The following RAB3GAP2 variants were observed in gnomAD, a reference collection of about 807,000 sequenced individuals.
The protein encoded by RAB3GAP2 is RAB3 GTPase activating non-catalytic protein subunit 2, also known as rab3 GTPase-activating protein non-catalytic subunit.
In RAB3GAP2, 87 loss-of-function variants were observed where a neutral mutation model predicts 185.3. The ratio of observed to expected loss-of-function variants is 0.47; its 90% CI spans 0.39 to 0.56. RAB3GAP2 has a LOEUF of 0.56. Among genes scored for constraint, RAB3GAP2 ranks in the 20% least tolerant of loss-of-function variants. RAB3GAP2 has a pLI of 0.00. For missense variants in RAB3GAP2, 1,492 were observed against 1,638.2 expected, an observed-to-expected ratio of 0.91 and a Z score of 1.54; for synonymous variants, 554 against 576.1, an observed-to-expected ratio of 0.96 and a Z score of 0.55.
intron 2 of RAB3GAP2, among the ~76,000 whole-genome samples, chr1:220,224,299 G>A (rs1415383067): frequency 1.3e-5 from 2 of 152,082 alleles, no homozygotes; most frequent in African/African-American, 2.4e-5. Context: ...ATGACACTAT[G>A]TGCCAACATG....
intron 1 of RAB3GAP2, among the ~76,000 whole-genome samples, chr1:220,240,060 C>T (rs139346226): frequency 6.6e-6 from 1 of 150,540 alleles, no homozygotes; most frequent in African/African-American, 2.4e-5. Flanking sequence ...ATTCTTTTTG[C>T]CAACAGTGAC....
At chr1:220,202,096 T>G (rs1450720639) in intron 9 of RAB3GAP2, among the ~76,000 whole-genome samples, 180 bp downstream of exon 9, 1 of 151,970 alleles carries the variant, frequency 6.6e-6, no homozygotes, top group African/African-American at 2.4e-5. Flanking sequence ...TCCTGGAAGG[T>G]GGAGGTTGCA....
intron 2 of RAB3GAP2, among the ~76,000 whole-genome samples, chr1:220,227,174 G>T (rs1659417546): frequency 6.6e-6 from 1 of 152,226 alleles, no homozygotes; most frequent in Non-Finnish European, 1.5e-5. Flanking sequence ...GCAGAAAGAT[G>T]TTGGTCTTCT....
At chr1:220,211,621 A>G (rs1455463354) in intron 4 of RAB3GAP2, among the ~76,000 whole-genome samples, 1 of 152,198 alleles carries the variant, frequency 6.6e-6, no homozygotes, top group Non-Finnish European at 1.5e-5. Context: ...TAGACTTGAA[A>G]TATTTGTCAG....
intron 2 of RAB3GAP2, chr1:220,219,646 C>T (rs1197493301): frequency 6.6e-6 from 1 of 152,108 alleles, no homozygotes; most frequent in African/African-American, 2.4e-5. Flanking sequence ...AAATACAAAC[C>T]AAGAATAAAG....
At chr1:220,178,709 T>TA (rs34441738) in intron 21 of RAB3GAP2, among the ~76,000 whole-genome samples, 7,288 of 150,008 alleles carry the variant, frequency 0.049, 230 homozygotes, top group Non-Finnish European at 0.077. Context: ...CACTTAACTA[T>TA]AAAAAAAAAG....
At chr1:220,211,158 T>C (rs1208184611) in intron 4 of RAB3GAP2, 156 bp from the exon 5 acceptor site, 1 of 736,446 alleles carries the variant, frequency 1.4e-6, no homozygotes, top group Non-Finnish European at 2.4e-6. Context: ...ACTCCACCAC[T>C]GGTAAGGTCC....
intron 1 of RAB3GAP2, 43 bp downstream of exon 1, chr1:220,272,180 C>A: frequency 6.6e-7 from 1 of 1,511,784 alleles, no homozygotes; most frequent in African/African-American, 1.4e-5. Context: ...GCAGAGGCCG[C>A]GGGTGACGAG....
intron 33 of RAB3GAP2, 137 bp downstream of exon 33, chr1:220,153,048 C>A: frequency 2.8e-6 from 2 of 713,760 alleles, no homozygotes; most frequent in South Asian, 3.2e-5. Flanking sequence ...AAAAAATATT[C>A]TATTGTTCTA....
chr1:220,260,962 T>C (rs958508031), intron 1 of RAB3GAP2, among the ~76,000 whole-genome samples: 1 of 152,160 alleles, frequency 6.6e-6, no homozygotes, highest in African/African-American at 2.4e-5. Flanking sequence ...AATAGCCATA[T>C]GTAGCTAGTG....
chr1:220,177,415 A>G (rs2102862449), intron 21 of RAB3GAP2, among the ~76,000 whole-genome samples: 1 of 152,328 alleles, frequency 6.6e-6, no homozygotes, highest in South Asian at 2.1e-4. Flanking sequence ...CCATCGTACT[A>G]CCACAAGCAT....
chr1:220,174,243 C>T (rs892241035), intron 21 of RAB3GAP2, among the ~76,000 whole-genome samples: 6 of 151,874 alleles, frequency 4.0e-5, no homozygotes, highest in Admixed American at 2.0e-4. Flanking sequence ...TTTACACTTA[C>T]GAAACCACAC....
rs7541290 is a variant in RAB3GAP2, at chr1:220,202,611, A to T, written c.713-237T>A. On this transcript the variant is annotated intron_variant, in intron 8 of 34. Transcript: ENST00000358951. ...GATTCTGGAACACTCCAGTAATTAAAGAAGACTATTAAAAATCCTAGACTA... is the reference window on the plus strand; with the variant it reads ...GATTCTGGAACACTCCAGTAATTAATGAAGACTATTAAAAATCCTAGACTA... Among the ~76,000 whole-genome samples, 37,446 of 152,070 alleles carry T rather than the reference A, an allele frequency of 0.25. 4,949 individuals carry two copies. The highest frequency in any genetic ancestry group is 0.34 in the East Asian group (1,767 of 5,162).
chr1:220,166,620 C>T (rs1199765751), intron 26 of RAB3GAP2, among the ~76,000 whole-genome samples: 1 of 152,156 alleles, frequency 6.6e-6, no homozygotes, highest in Non-Finnish European at 1.5e-5. Context: ...TTGGGGTCTT[C>T]CCCATATGCT....
chr1:220,189,812 C>T (rs1658579853), intron 16 of RAB3GAP2, 45 bp from the exon 17 acceptor site: 2 of 1,347,992 alleles, frequency 1.5e-6, no homozygotes, highest in Non-Finnish European at 2.0e-6. Context: ...ATTTTTATAA[C>T]AGTGAAACAT....
chr1:220,200,633 A>G (rs1226551192), intron 9 of RAB3GAP2: 1 of 527,060 alleles, frequency 1.9e-6, no homozygotes, highest in Non-Finnish European at 3.9e-6. Flanking sequence ...AGTTTAATTA[A>G]CAGAGCAGGG....
intron 1 of RAB3GAP2, among the ~76,000 whole-genome samples, chr1:220,262,872 G>A (rs1660166450): frequency 6.6e-6 from 1 of 151,964 alleles, no homozygotes; most frequent in Admixed American, 6.6e-5. Context: ...AATTTTTTGA[G>A]GAACTCTTAT....
At chr1:220,233,971 G>T (rs1659547602) in intron 1 of RAB3GAP2, among the ~76,000 whole-genome samples, 1 of 152,214 alleles carries the variant, frequency 6.6e-6, no homozygotes, top group South Asian at 2.1e-4. Flanking sequence ...AAAGTGTTGG[G>T]ATTACAGGCG....
At chr1:220,152,226 C>A (rs1294032529) in intron 33 of RAB3GAP2, among the ~76,000 whole-genome samples, 2 of 152,240 alleles carry the variant, frequency 1.3e-5, no homozygotes, top group African/African-American at 4.8e-5. Flanking sequence ...CAGGCACATG[C>A]CACCACGCCC....
Sources: allele counts gnomAD v4.1 joint callset (sites outside exome capture counted in the v4.1 genomes callset), GRCh38; gene constraint gnomAD v4.1.1; transcripts MANE v1.5; gene names NCBI Gene and HGNC (gene_info 2026-07-23, HGNC 2026-07-21).